The following ADAMTS20 variants were observed in gnomAD, a reference collection of about 807,000 sequenced individuals.
The protein encoded by ADAMTS20 is A disintegrin and metalloproteinase with thrombospondin motifs 20.
A neutral mutation model predicts 260.1 loss-of-function variants in ADAMTS20; 225 were observed. The ratio of observed to expected loss-of-function variants is 0.87; its 90% CI spans 0.78 to 0.97. ADAMTS20 has a LOEUF of 0.97. Among genes scored for constraint, ADAMTS20 ranks in the 50% least tolerant of loss-of-function variants. The pLI is 0.00. For missense variants in ADAMTS20, 2,400 were observed against 2,337.7 expected (o/e 1.03, Z -0.55); for synonymous variants, 802 against 769.5 (o/e 1.04, Z -0.70).
At chr12:43,523,817 G>A (rs1207491708) in intron 3 of ADAMTS20, among the ~76,000 whole-genome samples, 4 of 151,972 alleles carry the variant, frequency 2.6e-5, no homozygotes, top group African/African-American at 9.7e-5. Flanking sequence ...TCAGAGCAAG[G>A]ACTTGCCTGA....
chr12:43,453,668 CA>C (rs1182131112), intron 12 of ADAMTS20, among the ~76,000 whole-genome samples: 1 of 149,496 alleles, frequency 6.7e-6, no homozygotes, highest in African/African-American at 2.4e-5. Flanking sequence ...AATTAAAAAA[CA>C]AAAAAATGAA....
intron 28 of ADAMTS20, among the ~76,000 whole-genome samples, chr12:43,418,560 C>T (rs761048260): frequency 2.0e-5 from 3 of 152,170 alleles, no homozygotes; most frequent in African/African-American, 7.2e-5. Context: ...CTGCCTGCCC[C>T]GGCCTCCCAA....
At chr12:43,542,213 T>C (rs950869617) in intron 2 of ADAMTS20, among the ~76,000 whole-genome samples, 1 of 152,132 alleles carries the variant, frequency 6.6e-6, no homozygotes, top group African/African-American at 2.4e-5. Flanking sequence ...GTCTCCAAAA[T>C]ATCCGTGAAA....
intron 5 of ADAMTS20, 78 bp from the exon 6 acceptor site, chr12:43,492,707 C>G (rs1942622072): frequency 6.6e-7 from 1 of 1,505,720 alleles, no homozygotes; most frequent in Admixed American, 1.9e-5. Context: ...AGCATCTGCA[C>G]AATTTATCAA....
At chr12:43,400,866 C>T (rs957376413) in intron 28 of ADAMTS20, among the ~76,000 whole-genome samples, 1 of 151,888 alleles carries the variant, frequency 6.6e-6, no homozygotes, top group Non-Finnish European at 1.5e-5. Flanking sequence ...GCATTTATTA[C>T]TCCCTCTGCT....
chr12:43,443,075 A>G (rs1466354701), intron 16 of ADAMTS20, among the ~76,000 whole-genome samples: 1 of 152,220 alleles, frequency 6.6e-6, no homozygotes, highest in Non-Finnish European at 1.5e-5. Context: ...TTATTAATGT[A>G]CAGCAGATGC....
At chr12:43,410,301 A>C (rs1306022808) in intron 28 of ADAMTS20, among the ~76,000 whole-genome samples, 1 of 152,218 alleles carries the variant, frequency 6.6e-6, no homozygotes, top group Non-Finnish European at 1.5e-5. Flanking sequence ...GGTCTCTGGA[A>C]GGAGTCCAAA....
intron 2 of ADAMTS20, among the ~76,000 whole-genome samples, chr12:43,545,822 G>A (rs1224818579): frequency 1.3e-5 from 2 of 151,624 alleles, no homozygotes; most frequent in Non-Finnish European, 1.5e-5. Context: ...CTCTTACACA[G>A]CTCTCCAAGC....
At chr12:43,514,308 T>C (rs1049181972) in intron 3 of ADAMTS20, among the ~76,000 whole-genome samples, 5 of 151,660 alleles carry the variant, frequency 3.3e-5, no homozygotes, top group Non-Finnish European at 5.9e-5. Context: ...CTCACGCCTG[T>C]AATCCCAGCA....
At chr12:43,490,507 A>G in intron 6 of ADAMTS20, 72 bp from the exon 7 acceptor site, 1 of 769,876 alleles carries the variant, frequency 1.3e-6, no homozygotes, top group Non-Finnish European at 2.0e-6. Context: ...AAAAATAAAG[A>G]AGCTTTAACT....
chr12:43,514,303 G>A (rs929270316), intron 3 of ADAMTS20, among the ~76,000 whole-genome samples: 1 of 151,464 alleles, frequency 6.6e-6, no homozygotes, highest in Non-Finnish European at 1.5e-5. Context: ...GATGGCTCAC[G>A]CCTGTAATCC....
Position 43,551,829 on chromosome 12 carries a change from A to G in ADAMTS20, c.91+2T>C. 6.2e-7 allele frequency: 1 copy of G among 1,613,328 alleles called. No homozygotes were observed. The highest frequency in any genetic ancestry group is 8.5e-7 in the Non-Finnish European group (1 of 1,179,630). ...GCTGAAGGCGTCTCGCGGTGACTTT[A>G]CCTTGCCTGGGGTGGAAGTCAACTT... is the stretch of plus-strand genomic sequence containing the variant. On this transcript the variant is annotated splice_donor_variant, in intron 1 of 38. Transcript: ENST00000389420. LOFTEE classifies it high-confidence loss of function. This position sits in a 1 kb window ranked among gnomAD's most constrained non-coding sequence, Gnocchi z 4.6.
At chr12:43,488,185 T>C (rs550583653) in intron 7 of ADAMTS20, among the ~76,000 whole-genome samples, 1 of 152,128 alleles carries the variant, frequency 6.6e-6, no homozygotes, top group East Asian at 1.9e-4. Flanking sequence ...AAAAGTAATG[T>C]TTAGATGAAA....
intron 16 of ADAMTS20, among the ~76,000 whole-genome samples, chr12:43,443,320 T>C (rs1005253518): frequency 1.3e-5 from 2 of 152,224 alleles, no homozygotes; most frequent in Non-Finnish European, 2.9e-5. Flanking sequence ...ACTACATTCA[T>C]TAACATATAA....
At chr12:43,489,424 A>G (rs985375679) in intron 7 of ADAMTS20, among the ~76,000 whole-genome samples, 1 of 151,984 alleles carries the variant, frequency 6.6e-6, no homozygotes, top group Non-Finnish European at 1.5e-5. Flanking sequence ...CAAATACCAC[A>G]CCACAAATAT....
At chr12:43,522,220 A>T (rs1943082079) in intron 3 of ADAMTS20, among the ~76,000 whole-genome samples, 1 of 151,034 alleles carries the variant, frequency 6.6e-6, no homozygotes. Context: ...AGGAAGGAGA[A>T]GTGCAAACAG....
rs185945307 is a variant in ADAMTS20 at position 43,357,080 on chromosome 12, T to C, written c.5539-492A>G. ...CACATTATGGTGTGTGGGTCCCCTA[T>C]GAGCTTCATGATCTAATTCTTTCCA... is the stretch of plus-strand genomic sequence containing the variant. On this transcript the variant is annotated intron_variant, in intron 37 of 38. Transcript: ENST00000389420. Among the ~76,000 whole-genome samples the C allele has an allele frequency of 1.2e-4, 19 of 152,332 alleles. No individual in the cohort carries two copies. In the East Asian group the frequency reaches 3.5e-3, roughly 28 times the overall value.
Position 43,440,053 on chromosome 12 carries a change from T to C in ADAMTS20, c.2307A>G (p.Glu769=). The change falls in exon 17 of 39, where the codon GAA becomes GAG. Residue 769 remains glutamate (E), a synonymous_variant. Coordinates refer to ENST00000389420, the MANE Select transcript of ADAMTS20 (RefSeq NM_025003.5). ...DDSYLALSDA[E]GNFLFNGNFL... ...AATTTCCATTGAAAAGAAAATTCCC[T>C]TCAGCGTCAGATAATGCTGTAAAAG... is the stretch of plus-strand genomic sequence containing the variant. 1 of 1,556,346 alleles carries C rather than the reference T, an allele frequency of 6.4e-7. No individual in the cohort carries two copies. Among genetic ancestry groups the C allele is most frequent in the Non-Finnish European group, 8.7e-7 (1 of 1,149,660 alleles).
intron 5 of ADAMTS20, 114 bp downstream of exon 5, chr12:43,493,056 A>G (rs1942627581): frequency 1.4e-6 from 1 of 738,544 alleles, no homozygotes; most frequent in Non-Finnish European, 2.2e-6. Context: ...TCTCAAATCA[A>G]GTCTTTTAAA....
Sources: gnomAD v4.1 joint callset for allele counts (sites outside exome capture counted in the v4.1 genomes callset) on GRCh38, gnomAD v4.1.1 for gene constraint, Gnocchi (gnomAD v3.1) non-coding constraint, MANE v1.5 for transcripts, NCBI Gene and HGNC (gene_info 2026-07-23, HGNC 2026-07-21) for gene names.